Variants in CHD9NB observed in about 807,000 individuals in gnomAD.
CHD9NB encodes the protein CHD9 neighbor protein.
the CHD9NB span, chr16:53,044,049 T>G: frequency 2.5e-6 from 1 of 398,698 alleles, no homozygotes; most frequent in African/African-American, 2.1e-5. Context: ...ATCCTTGCAG[T>G]CTGCTGCCTG....
At chr16:53,039,606 G>A in the CHD9NB span, among the ~76,000 whole-genome samples, 2 of 152,084 alleles carry the variant, frequency 1.3e-5, no homozygotes, top group Admixed American at 6.6e-5. Context: ...TTAGCTGGGC[G>A]TGGTGGTGGG....
the CHD9NB span, among the ~76,000 whole-genome samples, chr16:53,040,074 CT>C: frequency 1.3e-5 from 2 of 151,172 alleles, no homozygotes; most frequent in African/African-American, 4.9e-5. Context: ...GATTTGATCC[CT>C]TTTTTTTTGG....
the CHD9NB span, among the ~76,000 whole-genome samples, chr16:53,044,823 C>T: frequency 6.6e-6 from 1 of 152,220 alleles, no homozygotes; most frequent in African/African-American, 2.4e-5. Flanking sequence ...GACACTGAGG[C>T]ACAGGGAGGT....
At chr16:53,038,608 C>T in the CHD9NB span, among the ~76,000 whole-genome samples, 1 of 152,178 alleles carries the variant, frequency 6.6e-6, no homozygotes, top group East Asian at 1.9e-4. Context: ...ACCTCGGCCT[C>T]CCAAAGTGCT....
the CHD9NB span, among the ~76,000 whole-genome samples, chr16:53,039,171 G>A: frequency 6.6e-6 from 1 of 152,186 alleles, no homozygotes. Context: ...GAAAATGACA[G>A]AAACCAAATT....
chr16:53,050,660 C>T, the CHD9NB span, among the ~76,000 whole-genome samples: 2 of 152,134 alleles, frequency 1.3e-5, no homozygotes, highest in Non-Finnish European at 2.9e-5. Flanking sequence ...TCCTACCAAT[C>T]ATAGACACAC....
At chr16:53,051,434 C>T in the CHD9NB span, among the ~76,000 whole-genome samples, 1 of 151,934 alleles carries the variant, frequency 6.6e-6, no homozygotes, top group Non-Finnish European at 1.5e-5. Flanking sequence ...GAGTACTATG[C>T]AGCCATAAAA....
At chr16:53,051,095 G>A in the CHD9NB span, among the ~76,000 whole-genome samples, 1 of 151,976 alleles carries the variant, frequency 6.6e-6, no homozygotes, top group African/African-American at 2.4e-5. Flanking sequence ...CACCGTGTTA[G>A]CCAGGATGGT....
At chr16:53,043,745 T>C in the CHD9NB span, 1 of 315,046 alleles carries the variant, frequency 3.2e-6, no homozygotes, top group Non-Finnish European at 5.8e-6. Context: ...TGCAGGAAAG[T>C]TCCACAACGT....
chr16:53,044,126 C>A, the CHD9NB span: 1 of 398,684 alleles, frequency 2.5e-6, no homozygotes, highest in Non-Finnish European at 4.4e-6. Context: ...ACTCAGCTGC[C>A]ACCGTGGTGC....
the CHD9NB span, among the ~76,000 whole-genome samples, chr16:53,038,585 A>C: frequency 1.3e-5 from 2 of 152,170 alleles, no homozygotes; most frequent in Non-Finnish European, 2.9e-5. Flanking sequence ...TCCAGACCTC[A>C]AGTGATCCGC....
At chr16:53,049,933 G>A in the CHD9NB span, among the ~76,000 whole-genome samples, 1 of 152,186 alleles carries the variant, frequency 6.6e-6, no homozygotes, top group African/African-American at 2.4e-5. Context: ...ACCGGGCACG[G>A]TGGCTCACGT....
At chr16:53,037,299 G>A in the CHD9NB span, among the ~76,000 whole-genome samples, 9 of 152,246 alleles carry the variant, frequency 5.9e-5, no homozygotes, top group East Asian at 1.9e-4. Context: ...TTTAGCTGCC[G>A]CTGTGTTCTG....
At chr16:53,041,226 GC>G in the CHD9NB span, among the ~76,000 whole-genome samples, 1 of 152,230 alleles carries the variant, frequency 6.6e-6, no homozygotes, top group Admixed American at 6.5e-5. Context: ...GCCTTTGCAG[GC>G]CTGTTTTTCC....
chr16:53,050,459 G>A, the CHD9NB span, among the ~76,000 whole-genome samples: 2 of 152,122 alleles, frequency 1.3e-5, no homozygotes, highest in African/African-American at 4.8e-5. Context: ...AGTGAACCAA[G>A]ATCACACCAC....
At chr16:53,037,213 C>T in the CHD9NB span, among the ~76,000 whole-genome samples, 7 of 152,118 alleles carry the variant, frequency 4.6e-5, no homozygotes, top group Non-Finnish European at 1.0e-4. Flanking sequence ...GGATTACAGG[C>T]GTGAGCCACT....
At chr16:53,040,234 T>A in the CHD9NB span, among the ~76,000 whole-genome samples, 1 of 151,752 alleles carries the variant, frequency 6.6e-6, no homozygotes, top group South Asian at 2.1e-4. Flanking sequence ...CACACCCAGG[T>A]AATTTTTTTT....
At chr16:53,040,286 G>A in the CHD9NB span, among the ~76,000 whole-genome samples, 3 of 151,986 alleles carry the variant, frequency 2.0e-5, no homozygotes, top group East Asian at 3.9e-4. Flanking sequence ...ATGTTGGCCA[G>A]GATGGTCTTG....
At chr16:53,042,195 A>T in the CHD9NB span, among the ~76,000 whole-genome samples, 1 of 148,564 alleles carries the variant, frequency 6.7e-6, no homozygotes, top group African/African-American at 2.5e-5. Context: ...CATTCCTCCA[A>T]CTTCCTCGAT....
Sources: gnomAD v4.1 joint callset for allele counts (sites outside exome capture counted in the v4.1 genomes callset) on GRCh38, gnomAD v4.1.1 for gene constraint, MANE v1.5 for transcripts, NCBI Gene and HGNC (gene_info 2026-07-23, HGNC 2026-07-21) for gene names.